Variants in ARHGAP24 observed in about 807,000 individuals in gnomAD.
ARHGAP24 encodes the protein rho GTPase-activating protein 24.
In ARHGAP24, 50 loss-of-function variants were observed where a neutral mutation model predicts 76.4. The ratio of observed to expected loss-of-function variants is 0.65; its 90% confidence interval spans 0.52 to 0.83. ARHGAP24 has a LOEUF of 0.83. ARHGAP24 is among the 40% of genes least tolerant of loss of function. ARHGAP24 has a pLI of 0.00. For missense variants in ARHGAP24, 930 were observed against 914.2 expected (o/e 1.02, Z -0.22); for synonymous variants, 345 against 323.3 (o/e 1.07, Z -0.72).
chr4:85,700,624 T>A (rs759783251), intron 2 of ARHGAP24, among the ~76,000 whole-genome samples: 1 of 152,044 alleles, frequency 6.6e-6, no homozygotes, highest in Non-Finnish European at 1.5e-5. Context: ...AAGAGCTTAG[T>A]TCTGTTTGTG....
intron 6 of ARHGAP24, among the ~76,000 whole-genome samples, chr4:85,973,830 A>ATTT (rs1578452367): frequency 1.4e-4 from 5 of 36,956 alleles, no homozygotes; most frequent in African/African-American, 8.1e-4. Context: ...ACTGCTGCCT[A>ATTT]TTGTTTTTTT....
At chr4:85,789,170 A>G (rs1478577271) in intron 3 of ARHGAP24, among the ~76,000 whole-genome samples, 2 of 149,574 alleles carry the variant, frequency 1.3e-5, no homozygotes, top group Non-Finnish European at 3.0e-5. Context: ...TGAGTTAATT[A>G]CCCTTGGTCA....
intron 1 of ARHGAP24, among the ~76,000 whole-genome samples, chr4:85,540,504 T>C (rs551075826): frequency 1.5e-4 from 23 of 152,354 alleles, no homozygotes; most frequent in African/African-American, 5.3e-4. Flanking sequence ...CATATGTTTC[T>C]ATCAATTTTA....
rs72656251 is a variant in ARHGAP24 at position 85,724,737 on chromosome 4, T to C, written c.268+2765T>C. 4.7e-3 allele frequency among the ~76,000 whole-genome samples: 717 copies of C among 152,176 alleles called. 4 individuals are homozygous for C. Among genetic ancestry groups the C allele is most frequent in the Non-Finnish European group, 6.8e-3 (460 of 67,988 alleles). Reference sequence around the variant, plus strand: ...AACCTATCTGAAAATAAATCTACCATGTTTTAGGGTTGATTTCCTATAGAT... The same window carrying C: ...AACCTATCTGAAAATAAATCTACCACGTTTTAGGGTTGATTTCCTATAGAT... On this transcript the variant is annotated intron_variant, in intron 3 of 9. Transcript: ENST00000395184.
chr4:85,507,147 T>C (rs1724086758), intron 1 of ARHGAP24, among the ~76,000 whole-genome samples: 1 of 152,194 alleles, frequency 6.6e-6, no homozygotes, highest in Non-Finnish European at 1.5e-5. Flanking sequence ...GATCTGCATA[T>C]TGACATATTG....
intron 2 of ARHGAP24, among the ~76,000 whole-genome samples, chr4:85,617,051 CAT>C (rs1335725782): frequency 6.8e-6 from 1 of 147,640 alleles, no homozygotes; most frequent in Non-Finnish European, 1.5e-5. Context: ...ATATATTTAA[CAT>C]ATATTCATAA....
intron 3 of ARHGAP24, among the ~76,000 whole-genome samples, chr4:85,828,425 A>C (rs979371317): frequency 5.9e-5 from 9 of 151,992 alleles, no homozygotes; most frequent in African/African-American, 1.9e-4. Flanking sequence ...TTAGGATTTG[A>C]TCTGTTGACA....
At chr4:85,626,009 C>T (rs1330621088) in intron 2 of ARHGAP24, among the ~76,000 whole-genome samples, 1 of 152,154 alleles carries the variant, frequency 6.6e-6, no homozygotes, top group Non-Finnish European at 1.5e-5. Flanking sequence ...ACTGATGGGT[C>T]TTGACTCTTT....
intron 3 of ARHGAP24, among the ~76,000 whole-genome samples, chr4:85,884,509 C>A (rs192774517): frequency 2.0e-5 from 3 of 152,040 alleles, no homozygotes; most frequent in African/African-American, 7.2e-5. Context: ...AGGTATTATG[C>A]GTGGTCACTG....
chr4:85,983,260 G>C (rs1037679062), intron 8 of ARHGAP24, among the ~76,000 whole-genome samples: 1 of 152,118 alleles, frequency 6.6e-6, no homozygotes, highest in Non-Finnish European at 1.5e-5. Flanking sequence ...CTTTATAACA[G>C]AATTATTTAT....
At chr4:85,480,685 T>C (rs1386019871) in intron 1 of ARHGAP24, among the ~76,000 whole-genome samples, 1 of 152,144 alleles carries the variant, frequency 6.6e-6, no homozygotes, top group East Asian at 1.9e-4. Flanking sequence ...TGTAGTGCTT[T>C]TATAATCCCT....
rs79703585 is a variant in ARHGAP24 at position 85,642,078 on chromosome 4, G to A, written c.180+71357G>A. Among the ~76,000 whole-genome samples, 1,261 of 152,180 alleles carry A rather than the reference G, an allele frequency of 8.3e-3. 20 individuals carry two copies. Among genetic ancestry groups the A allele is most frequent in the African/African-American group, 0.029 (1,188 of 41,530 alleles). On this transcript the variant is annotated intron_variant, in intron 2 of 9. Coordinates refer to ENST00000395184, the MANE Select transcript of ARHGAP24 (RefSeq NM_001025616.3). ...GTGGGGCAGGACCCTTTCTGAAATG[G>A]GAGTCTTGTGACCTACAATCAGACA...
At chr4:85,709,142 G>T (rs867073317) in intron 2 of ARHGAP24, among the ~76,000 whole-genome samples, 1 of 152,000 alleles carries the variant, frequency 6.6e-6, no homozygotes. Flanking sequence ...GGCATTCTAG[G>T]GCTACAATCC....
chr4:85,709,735 T>C (rs4315779), intron 2 of ARHGAP24, among the ~76,000 whole-genome samples: 1 of 152,132 alleles, frequency 6.6e-6, no homozygotes, highest in South Asian at 2.1e-4. Context: ...TACCAACAAC[T>C]GTCAAGACAC....
chr4:85,849,942 T>G (rs1045566256), intron 3 of ARHGAP24, among the ~76,000 whole-genome samples: 6 of 152,174 alleles, frequency 3.9e-5, no homozygotes, highest in African/African-American at 1.4e-4. Context: ...GACTTTGGTA[T>G]CAGGATGATG....
intron 2 of ARHGAP24, among the ~76,000 whole-genome samples, chr4:85,661,028 A>T (rs1489031411): frequency 6.6e-6 from 1 of 152,186 alleles, no homozygotes; most frequent in Non-Finnish European, 1.5e-5. Context: ...AGATATCTAA[A>T]TTCAGACATT....
intron 3 of ARHGAP24, among the ~76,000 whole-genome samples, chr4:85,734,398 AT>A (rs758359910): frequency 6.6e-6 from 1 of 151,888 alleles, no homozygotes; most frequent in Non-Finnish European, 1.5e-5. Context: ...GGTTAATTTT[AT>A]TTGAGGACAA....
intron 1 of ARHGAP24, among the ~76,000 whole-genome samples, chr4:85,528,098 C>A (rs571462146): frequency 1.4e-4 from 22 of 151,954 alleles, no homozygotes; most frequent in Non-Finnish European, 2.8e-4. Context: ...GAATAGAACA[C>A]CTAACCCTGC....
intron 1 of ARHGAP24, among the ~76,000 whole-genome samples, chr4:85,477,068 T>C (rs1404349453): frequency 6.6e-6 from 1 of 152,036 alleles, no homozygotes; most frequent in African/African-American, 2.4e-5. Context: ...CATCCTACCA[T>C]TCACAGGCAG....
Sources: allele counts gnomAD v4.1 joint callset (sites outside exome capture counted in the v4.1 genomes callset), GRCh38; gene constraint gnomAD v4.1.1; transcripts MANE v1.5; gene names NCBI Gene and HGNC (gene_info 2026-07-23, HGNC 2026-07-21).